The following PRMT8 variants were observed in gnomAD, a reference collection of about 807,000 sequenced individuals.
PRMT8 encodes the protein protein arginine methyltransferase 8.
PRMT8 carries 7 observed loss-of-function variants against 47.1 expected under a neutral mutation model. The ratio of observed to expected loss-of-function variants is 0.15; its 90% CI spans 0.08 to 0.28. The LOEUF (loss-of-function observed/expected upper bound fraction) is 0.28. Among genes scored for constraint, PRMT8 ranks in the 10% least tolerant of loss-of-function variants. The pLI is 1.00. For synonymous variants in PRMT8, 188 were observed against 186.5 expected, an observed-to-expected ratio of 1.01 and a Z score of -0.07; for missense variants, 237 against 505.4, an observed-to-expected ratio of 0.47 and a Z score of 5.09.
At chr12:3,488,487 T>A (rs566703348), upstream of PRMT8, among the ~76,000 whole-genome samples, 1 of 152,318 alleles carries the variant, frequency 6.6e-6, no homozygotes, top group African/African-American at 2.4e-5. Context: ...CCCCTTATCA[T>A]CCCACATGTT....
intron 1 of PRMT8, chr12:3,469,260 A>C (rs1865136038): frequency 2.3e-6 from 1 of 434,510 alleles, no homozygotes; most frequent in African/African-American, 2.0e-5. Flanking sequence ...TTAGACCTTC[A>C]CGTGCTGCCT....
intron 1 of PRMT8, among the ~76,000 whole-genome samples, chr12:3,521,619 C>A (rs1865882547): frequency 6.6e-6 from 1 of 151,972 alleles, no homozygotes; most frequent in African/African-American, 2.4e-5. Context: ...GAATTGATAC[C>A]CTTGCTAAAC....
chr12:3,461,856 C>A (rs1170326884), intron 1 of PRMT8, among the ~76,000 whole-genome samples: 3 of 152,066 alleles, frequency 2.0e-5, no homozygotes, highest in African/African-American at 7.3e-5. Flanking sequence ...CTTCCTACAG[C>A]CTTTGTTACA....
chr12:3,579,452 A>G (rs542119008), intron 7 of PRMT8, among the ~76,000 whole-genome samples: 36 of 152,158 alleles, frequency 2.4e-4, no homozygotes, highest in African/African-American at 8.7e-4. Context: ...GCAGCCAAGG[A>G]GCGGCTGGAG....
At chr12:3,471,643 A>G (rs1016376887) in intron 1 of PRMT8, among the ~76,000 whole-genome samples, 24 of 151,396 alleles carry the variant, frequency 1.6e-4, no homozygotes, top group Middle Eastern at 3.4e-3. Context: ...CTGCTTGTTC[A>G]TGGCTCTGCT....
intron 1 of PRMT8, among the ~76,000 whole-genome samples, chr12:3,520,403 C>G (rs1000363749): frequency 1.3e-5 from 2 of 152,238 alleles, no homozygotes; most frequent in African/African-American, 4.8e-5. Context: ...CCAAAGGCAC[C>G]CTGGGAGCCC....
rs1055172957 is a variant in PRMT8, at chr12:3,582,912, G to A, written c.829-146G>A. ...TGGAGGAGGTGATTGGGAGGGCGGT[G>A]GGGAGCCTGGGAAATCACCCCAAGA... On this transcript the variant is annotated intron_variant, in intron 7 of 9. Transcript: ENST00000382622. The A allele has an allele frequency of 1.8e-5, 17 of 927,682 alleles. No homozygotes were observed. In the South Asian group the frequency reaches 2.9e-4, roughly 16 times the overall value. The allele number at this position is 927,682 out of a possible 1,614,324, so 57.5% of individuals were successfully genotyped here. A position where few individuals can be genotyped will look rare whatever the true frequency, so the allele number is the denominator to read the frequency against.
At chr12:3,506,471 G>C (rs1865625686) in intron 1 of PRMT8, among the ~76,000 whole-genome samples, 1 of 152,152 alleles carries the variant, frequency 6.6e-6, no homozygotes, top group South Asian at 2.1e-4. Context: ...GTGGAGTCAA[G>C]AAAGCAGCTG....
intron 1 of PRMT8, among the ~76,000 whole-genome samples, chr12:3,478,679 A>C (rs900718620): frequency 6.6e-6 from 1 of 152,212 alleles, no homozygotes; most frequent in African/African-American, 2.4e-5. Context: ...TAAAAAGTTG[A>C]AGTCAGGAGC....
intron 1 of PRMT8, among the ~76,000 whole-genome samples, chr12:3,463,178 A>C (rs1865057833): frequency 1.3e-5 from 2 of 152,214 alleles, no homozygotes; most frequent in South Asian, 4.1e-4. Context: ...ATTAAGGTTA[A>C]GTAATTTGCC....
intron 1 of PRMT8, among the ~76,000 whole-genome samples, chr12:3,470,149 AGAAATATT>A (rs1211656269): frequency 6.6e-6 from 1 of 152,232 alleles, no homozygotes; most frequent in Non-Finnish European, 1.5e-5. Context: ...AACCTTTTAA[AGAAATATT>A]GAAACCCCTG....
chr12:3,517,141 T>A (rs1188955334), intron 1 of PRMT8, among the ~76,000 whole-genome samples: 1 of 152,222 alleles, frequency 6.6e-6, no homozygotes, highest in Non-Finnish European at 1.5e-5. Flanking sequence ...GAGGGACCTG[T>A]GCACCAGGGG....
upstream of PRMT8, among the ~76,000 whole-genome samples, chr12:3,486,317 C>T (rs937734113): frequency 1.3e-5 from 2 of 151,862 alleles, no homozygotes; most frequent in Non-Finnish European, 2.9e-5. Context: ...AGAACCAATG[C>T]ATAAGACCCC....
chr12:3,569,623 T>C lies in PRMT8; in HGVS notation c.712+59T>C. On this transcript the variant is annotated intron_variant, in intron 6 of 9. Coordinates refer to ENST00000382622, the MANE Select transcript of PRMT8 (RefSeq NM_019854.5). This position sits in a 1 kb window ranked among gnomAD's most constrained non-coding sequence, Gnocchi z 8.2. ...ACTGCACAATTGGGGTGGGAGGCACTCCAGTGGGCCCGAGATGAGCAGGCA... is the reference window on the plus strand; with the variant it reads ...ACTGCACAATTGGGGTGGGAGGCACCCCAGTGGGCCCGAGATGAGCAGGCA... 7.3e-7 allele frequency: 1 copy of C among 1,376,058 alleles called. No individual in the cohort carries two copies. Among genetic ancestry groups the C allele is most frequent in the Non-Finnish European group, 1.0e-6 (1 of 963,348 alleles). 85.2% of individuals were successfully genotyped at this position (1,376,058 alleles called of 1,614,324 possible).
chr12:3,491,686 GC>G lies in PRMT8; in HGVS notation c.63del (p.Glu22ArgfsTer5). ...LLRRKMAENAAESTEVNSPPS... is the reference protein window; with the variant it reads ...LLRRKMAENAXESTEVNSPPS... ...GAGGAGGAAAATGGCGGAGAACGCGGCCGAGAGCACCGAGGTAAGGAGGCGA... is the reference window on the plus strand; with the variant it reads ...GAGGAGGAAAATGGCGGAGAACGCGGCGAGAGCACCGAGGTAAGGAGGCGA... On this transcript the variant is annotated frameshift_variant, in exon 1 of 10. Transcript: ENST00000382622. LOFTEE classifies it high-confidence loss of function. The G allele has an allele frequency of 6.2e-7, 1 of 1,610,646 alleles. No individual in the cohort carries two copies. The highest frequency in any genetic ancestry group is 8.5e-7 in the Non-Finnish European group (1 of 1,179,588).
At chr12:3,592,695 T>C (rs1384668219) in intron 9 of PRMT8, among the ~76,000 whole-genome samples, 1 of 152,162 alleles carries the variant, frequency 6.6e-6, no homozygotes, top group Admixed American at 6.5e-5. Flanking sequence ...TGGAGGATGT[T>C]TGGCGTGCAT....
At chr12:3,459,884 C>T (rs1240973393) in intron 1 of PRMT8, among the ~76,000 whole-genome samples, 1 of 152,130 alleles carries the variant, frequency 6.6e-6, no homozygotes, top group Non-Finnish European at 1.5e-5. Flanking sequence ...TTCAGATGCT[C>T]CAGGCACTAC....
chr12:3,440,329 G>A (rs1417290129), intron 1 of PRMT8, among the ~76,000 whole-genome samples: 1 of 152,056 alleles, frequency 6.6e-6, no homozygotes, highest in Non-Finnish European at 1.5e-5. Flanking sequence ...AGGCATGGCA[G>A]CACGCGGCTG....
At chr12:3,577,008 G>A (rs1348703060) in intron 7 of PRMT8, 22 bp downstream of exon 7, 5 of 1,599,804 alleles carry the variant, frequency 3.1e-6, no homozygotes, top group Non-Finnish European at 3.4e-6. Context: ...CATCCGGGGT[G>A]GACCTGGGTG....
Sources: allele counts gnomAD v4.1 joint callset (sites outside exome capture counted in the v4.1 genomes callset), GRCh38; gene constraint gnomAD v4.1.1; non-coding constraint Gnocchi (gnomAD v3.1); transcripts MANE v1.5; gene names NCBI Gene and HGNC (gene_info 2026-07-23, HGNC 2026-07-21).